The following ME1 variants were observed in gnomAD, a reference collection of about 807,000 sequenced individuals.
ME1 encodes the protein NADP-dependent malic enzyme.
A neutral mutation model predicts 66.4 loss-of-function variants in ME1; 74 were observed. The observed-to-expected ratio is 1.11, with a 90% CI of 0.92 to 1.35. The LOEUF is 1.35. Among genes scored for constraint, ME1 ranks in the 40% most tolerant of loss-of-function variants. ME1 has a pLI of 0.00. For missense variants in ME1, 750 were observed against 694.1 expected, an observed-to-expected ratio of 1.08 and a Z score of -0.90; for synonymous variants, 251 against 235.6, an observed-to-expected ratio of 1.07 and a Z score of -0.60.
intron 5 of ME1, among the ~76,000 whole-genome samples, chr6:83,326,026 C>G (rs1363363452): frequency 6.7e-6 from 1 of 149,194 alleles, no homozygotes; most frequent in East Asian, 2.0e-4. Flanking sequence ...GTAACCCAAA[C>G]AGCATGGTAT....
chr6:83,292,273 T>C (rs1767517713), intron 6 of ME1, among the ~76,000 whole-genome samples: 1 of 152,194 alleles, frequency 6.6e-6, no homozygotes, highest in African/African-American at 2.4e-5. Context: ...CCTTTGGTCA[T>C]TGATGTTGGG....
intron 3 of ME1, among the ~76,000 whole-genome samples, chr6:83,357,925 CTCTCTCTCTCTATATATA>C (rs1451684953): frequency 1.2e-4 from 7 of 58,174 alleles, no homozygotes; most frequent in Non-Finnish European, 2.4e-4. Context: ...CTCTCTCTCT[CTCTCTCTCTCTATATATA>C]TATATATATA....
intron 3 of ME1, among the ~76,000 whole-genome samples, chr6:83,394,854 T>C (rs530647636): frequency 5.3e-5 from 8 of 152,180 alleles, no homozygotes; most frequent in Non-Finnish European, 1.0e-4. Flanking sequence ...GAATAAGTAG[T>C]GCTAGAAAAA....
chr6:83,222,626 A>T (rs529938195), intron 12 of ME1, among the ~76,000 whole-genome samples: 13 of 152,220 alleles, frequency 8.5e-5, no homozygotes, highest in Non-Finnish European at 1.5e-4. Context: ...CAAAAAGCTC[A>T]TGATTTTATA....
chr6:83,348,730 A>G (rs1768733767), intron 4 of ME1, among the ~76,000 whole-genome samples: 1 of 151,770 alleles, frequency 6.6e-6, no homozygotes, highest in Non-Finnish European at 1.5e-5. Context: ...TCACGCTTAT[A>G]ATCCCAGCAC....
intron 1 of ME1, among the ~76,000 whole-genome samples, chr6:83,408,318 A>G (rs147294736): frequency 6.6e-6 from 1 of 152,332 alleles, no homozygotes; most frequent in East Asian, 1.9e-4. Flanking sequence ...AAAATAGGTC[A>G]GGAAATGCCT....
intron 3 of ME1, among the ~76,000 whole-genome samples, chr6:83,396,330 C>T (rs1472980396): frequency 1.3e-5 from 2 of 152,104 alleles, no homozygotes; most frequent in East Asian, 1.9e-4. Flanking sequence ...TGCCACTACA[C>T]TCCAGACAAA....
At chr6:83,429,925 G>GCACA (rs776108868) in intron 1 of ME1, among the ~76,000 whole-genome samples, 2 of 151,456 alleles carry the variant, frequency 1.3e-5, no homozygotes, top group African/African-American at 4.8e-5. Context: ...CAAAGCGCAC[G>GCACA]CACACACACA....
intron 6 of ME1, among the ~76,000 whole-genome samples, chr6:83,303,999 A>G (rs1203419378): frequency 1.3e-5 from 2 of 152,168 alleles, no homozygotes; most frequent in Non-Finnish European, 2.9e-5. Context: ...TAACTAAATT[A>G]TGGTCCTAGT....
At chr6:83,358,376 C>A (rs560160097) in intron 3 of ME1, among the ~76,000 whole-genome samples, 54 of 152,144 alleles carry the variant, frequency 3.5e-4, no homozygotes, top group African/African-American at 1.2e-3. Flanking sequence ...GTTCAGTGGA[C>A]AAAGTTATGA....
In ME1 at chr6:83,248,294, C is replaced by T. The variant is rs76350243; in HGVS notation, c.814+5335G>A. Reference sequence around the variant, plus strand: ...TGTATGGACATTTACATCAGACCCACAAAATCAGAAGATATACAATATTAA... The same window carrying T: ...TGTATGGACATTTACATCAGACCCATAAAATCAGAAGATATACAATATTAA... On this transcript the variant is annotated intron_variant, in intron 7 of 13. Transcript: ENST00000369705. Among the ~76,000 whole-genome samples the T allele has an allele frequency of 4.4e-3, 676 of 152,252 alleles. 5 individuals carry two copies. Among genetic ancestry groups the T allele is most frequent in the Non-Finnish European group, 7.1e-3 (482 of 68,022 alleles).
At chr6:83,269,122 G>A (rs569406288) in intron 6 of ME1, among the ~76,000 whole-genome samples, 4 of 152,174 alleles carry the variant, frequency 2.6e-5, no homozygotes, top group African/African-American at 9.6e-5. Context: ...TGTTACTATA[G>A]TATGTGGGTA....
At chr6:83,373,684 C>T (rs574761720) in intron 3 of ME1, among the ~76,000 whole-genome samples, 21 of 152,188 alleles carry the variant, frequency 1.4e-4, no homozygotes, top group African/African-American at 5.1e-4. Context: ...ATGTGTGCCA[C>T]GGTGGCTTGC....
At chr6:83,331,827 C>T (rs1768417259) in intron 5 of ME1, among the ~76,000 whole-genome samples, 1 of 151,974 alleles carries the variant, frequency 6.6e-6, no homozygotes, top group African/African-American at 2.4e-5. Context: ...AAAAGAATAT[C>T]CCATATAACG....
intron 1 of ME1, among the ~76,000 whole-genome samples, chr6:83,425,262 C>T (rs913777221): frequency 4.6e-5 from 7 of 152,086 alleles, no homozygotes; most frequent in Non-Finnish European, 8.8e-5. Flanking sequence ...TCCCAGGTGG[C>T]TCACATCTGG....
chr6:83,398,881 A>G lies in ME1; in HGVS notation c.213-365T>C, dbSNP rs1257296435. Among the ~76,000 whole-genome samples, 3 of 152,194 alleles carry G rather than the reference A, an allele frequency of 2.0e-5. No homozygotes were observed. In the East Asian group the frequency reaches 5.8e-4, roughly 30 times the overall value. The stretch of plus-strand genomic sequence containing the variant: ...CACTTTGGGAGGCAGAGGCGGGTGG[A>G]TCACGAGGTCAGGAGTTCAAGACCA... On this transcript the variant is annotated intron_variant, in intron 2 of 13. Transcript: ENST00000369705.
At chr6:83,319,131 C>T (rs996879964) in intron 5 of ME1, among the ~76,000 whole-genome samples, 1 of 147,598 alleles carries the variant, frequency 6.8e-6, no homozygotes, top group African/African-American at 2.5e-5. Flanking sequence ...GGAAGGGGAA[C>T]ATCACACTCT....
chr6:83,271,815 T>A lies in ME1; in HGVS notation c.705-18077A>T, dbSNP rs537546939. On this transcript the variant is annotated intron_variant, in intron 6 of 13. Coordinates refer to ENST00000369705, the MANE Select transcript of ME1 (RefSeq NM_002395.6). ...CTTCAAGTAAAAATATTCAATTTCATAATAAAAATGTAAGACACTAAGGGC... is the reference window on the plus strand; with the variant it reads ...CTTCAAGTAAAAATATTCAATTTCAAAATAAAAATGTAAGACACTAAGGGC... Among the ~76,000 whole-genome samples the A allele has an allele frequency of 2.0e-5, 3 of 152,278 alleles. No individual in the cohort carries two copies. In the East Asian group the frequency reaches 5.8e-4, roughly 29 times the overall value.
At position 83,346,259 on chromosome 6, in the gene ME1, C is replaced by G; in HGVS notation, c.514G>C (p.Gly172Arg). ...LGCNGMGIPV[G>R]KLALYTACGG... ...CAAGCTGTATATAGAGCCAATTTAC[C>G]CACAGGGATGCCCATTCCATTACAG... Residue 172 changes from glycine (G) to arginine (R), a missense_variant, in exon 5 of 14, where the codon GGT becomes CGT. Coordinates refer to ENST00000369705, the MANE Select transcript of ME1 (RefSeq NM_002395.6). 6.2e-7 allele frequency: 1 copy of G among 1,613,324 alleles called. No individual in the cohort carries two copies. The highest frequency in any genetic ancestry group is 8.5e-7 in the Non-Finnish European group (1 of 1,179,526).
Sources: allele counts gnomAD v4.1 joint callset (sites outside exome capture counted in the v4.1 genomes callset), GRCh38; gene constraint gnomAD v4.1.1; transcripts MANE v1.5; gene names NCBI Gene and HGNC (gene_info 2026-07-23, HGNC 2026-07-21).